CAPZB: variants seen among roughly 807,000 people sequenced by gnomAD.
CAPZB encodes F-actin-capping protein subunit beta.
A neutral mutation model predicts 38.1 loss-of-function variants in CAPZB; 2 were observed. The ratio of observed to expected loss-of-function variants is 0.05; its 90% CI spans 0.02 to 0.17. The LOEUF is 0.17. Among genes scored for constraint, CAPZB ranks in the 10% least tolerant of loss-of-function variants. The pLI is 1.00. For synonymous variants in CAPZB, 107 were observed against 127.4 expected, an observed-to-expected ratio of 0.84 and a Z score of 1.08; for missense variants, 161 against 334.2, an observed-to-expected ratio of 0.48 and a Z score of 4.04.
intron 1 of CAPZB, among the ~76,000 whole-genome samples, chr1:19,427,941 A>C (rs1342881245): frequency 6.6e-6 from 1 of 152,226 alleles, no homozygotes; most frequent in Non-Finnish European, 1.5e-5. Flanking sequence ...TGCAACATAA[A>C]AGTAACCATT....
At chr1:19,469,767 C>CACACACAA (rs2094580666) in intron 1 of CAPZB, among the ~76,000 whole-genome samples, 1 of 151,738 alleles carries the variant, frequency 6.6e-6, no homozygotes, top group Admixed American at 6.6e-5. Context: ...CACACACACA[C>CACACACAA]ACACACACAC....
chr1:19,436,737 A>G (rs1023641913), intron 1 of CAPZB, among the ~76,000 whole-genome samples: 5 of 152,250 alleles, frequency 3.3e-5, no homozygotes, highest in African/African-American at 1.2e-4. Context: ...GGTAATCCTC[A>G]TTCAGCATCT....
intron 1 of CAPZB, among the ~76,000 whole-genome samples, chr1:19,478,102 C>T (rs1282731349): frequency 6.6e-6 from 1 of 152,210 alleles, no homozygotes; most frequent in Non-Finnish European, 1.5e-5. Flanking sequence ...GTAACAACTG[C>T]TTCCAAGCTG....
intron 1 of CAPZB, among the ~76,000 whole-genome samples, chr1:19,476,168 GTAGATAGATAGATAGATAGATAGA>G (rs200136717): frequency 0.019 from 626 of 33,200 alleles, 12 homozygotes; most frequent in African/African-American, 0.023. Context: ...TAAAAAATAA[GTAGATAGATAGATAGATAGATAGA>G]TAGATAGATA....
At chr1:19,355,792 C>T (rs138573364) in intron 6 of CAPZB, among the ~76,000 whole-genome samples, 1 of 152,228 alleles carries the variant, frequency 6.6e-6, no homozygotes, top group Non-Finnish European at 1.5e-5. Context: ...TCCCCCTTTA[C>T]GCCAAGCATC....
chr1:19,461,584 T>C (rs972476937), intron 1 of CAPZB, among the ~76,000 whole-genome samples: 4 of 152,256 alleles, frequency 2.6e-5, no homozygotes, highest in African/African-American at 2.4e-5. Flanking sequence ...CGCAGGGCCA[T>C]TGCCCCCTTG....
chr1:19,469,854 C>G (rs1307547510), intron 1 of CAPZB, among the ~76,000 whole-genome samples: 1 of 152,078 alleles, frequency 6.6e-6, no homozygotes, highest in African/African-American at 2.4e-5. Flanking sequence ...GTAATGCCCA[C>G]AAGCACCCAG....
chr1:19,461,607 G>C (rs1049620463), intron 1 of CAPZB, among the ~76,000 whole-genome samples: 3 of 152,222 alleles, frequency 2.0e-5, no homozygotes, highest in African/African-American at 7.2e-5. Flanking sequence ...TTGAGCACTA[G>C]GGTAAAATCT....
chr1:19,372,367 T>G (rs10917432), intron 4 of CAPZB, among the ~76,000 whole-genome samples: 18,399 of 152,244 alleles, frequency 0.12, 2,453 homozygotes, highest in African/African-American at 0.33. Context: ...GTAATCATCT[T>G]TGGAAGAAGG....
intron 1 of CAPZB, among the ~76,000 whole-genome samples, chr1:19,470,548 G>A (rs1025641375): frequency 6.6e-6 from 1 of 152,208 alleles, no homozygotes; most frequent in African/African-American, 2.4e-5. Flanking sequence ...AGTTTATGTG[G>A]CAGAAAAGAC....
At chr1:19,471,823 T>A (rs1457898099) in intron 1 of CAPZB, among the ~76,000 whole-genome samples, 2 of 118,172 alleles carry the variant, frequency 1.7e-5, no homozygotes, top group Non-Finnish European at 3.5e-5. Flanking sequence ...CCGAAATCGC[T>A]CCACTGCACT....
At chr1:19,346,375 G>C (rs994585251) in intron 6 of CAPZB, among the ~76,000 whole-genome samples, 4 of 144,418 alleles carry the variant, frequency 2.8e-5, no homozygotes, top group Non-Finnish European at 4.5e-5. Flanking sequence ...ATTTATTGTT[G>C]AGATTCTAAA....
At chr1:19,479,921 CT>C (rs1205667708) in intron 1 of CAPZB, among the ~76,000 whole-genome samples, 2 of 152,148 alleles carry the variant, frequency 1.3e-5, no homozygotes, top group African/African-American at 2.4e-5. Context: ...ACCACACCCC[CT>C]GACCTCTGCT....
At chr1:19,402,082 T>C (rs371272697) in intron 2 of CAPZB, among the ~76,000 whole-genome samples, 1 of 152,362 alleles carries the variant, frequency 6.6e-6, no homozygotes. Context: ...AACAAAGGCC[T>C]GGACTCTCCA....
chr1:19,462,232 C>T (rs149556403), intron 1 of CAPZB, among the ~76,000 whole-genome samples: 7,331 of 151,556 alleles, frequency 0.048, 587 homozygotes, highest in African/African-American at 0.17. Flanking sequence ...GCAGGTGGAT[C>T]ACGAGGTCAG....
intron 1 of CAPZB, among the ~76,000 whole-genome samples, chr1:19,457,049 G>A (rs1201850394): frequency 6.6e-6 from 1 of 152,188 alleles, no homozygotes; most frequent in Admixed American, 6.5e-5. Flanking sequence ...GTTAACCCCA[G>A]AAAGGCAGGA....
rs1002172691 is a variant in CAPZB at position 19,485,524 on chromosome 1, G to A, written c.-86C>T. The stretch of plus-strand genomic sequence containing the variant: ...GCCCGGCGCTTCCACTTCCCCGGGT[G>A]CCCAGGAGTGAACATCCGGGTCAGC... On this transcript the variant is annotated 5_prime_UTR_variant, in exon 1 of 9. Transcript: ENST00000264202. The A allele has an allele frequency of 4.4e-6, 5 of 1,125,150 alleles. No individual in the cohort carries two copies. The African/African-American group carries it at 6.4e-5, about 15-fold the overall frequency. The allele number at this position is 1,125,150 out of a possible 1,614,324, so 69.7% of individuals were successfully genotyped here.
chr1:19,479,052 T>C (rs950684419), intron 1 of CAPZB, among the ~76,000 whole-genome samples: 1 of 151,870 alleles, frequency 6.6e-6, no homozygotes, highest in Non-Finnish European at 1.5e-5. Context: ...CTACTAAAAA[T>C]ACAAAAAATT....
At chr1:19,391,205 T>C (rs1471379515) in intron 2 of CAPZB, among the ~76,000 whole-genome samples, 1 of 151,964 alleles carries the variant, frequency 6.6e-6, no homozygotes. Flanking sequence ...TCTTCTCCAT[T>C]AGTTATTAAT....
Sources: allele counts gnomAD v4.1 joint callset (sites outside exome capture counted in the v4.1 genomes callset), GRCh38; gene constraint gnomAD v4.1.1; transcripts MANE v1.5; gene names NCBI Gene and HGNC (gene_info 2026-07-23, HGNC 2026-07-21).